Variants in HLX observed in about 807,000 individuals in gnomAD.
HLX encodes the protein H2.0 like homeobox.
In HLX, 6 loss-of-function variants were observed where a neutral mutation model predicts 27.7. The observed-to-expected ratio is 0.22, with a 90% confidence interval of 0.12 to 0.43. The LOEUF is 0.43. HLX is among the 20% of genes least tolerant of loss of function. The pLI is 1.00. For synonymous variants in HLX, 328 were observed against 293.8 expected, an observed-to-expected ratio of 1.12 and a Z score of -1.19; for missense variants, 666 against 655.2, an observed-to-expected ratio of 1.02 and a Z score of -0.18.
chr1:220,879,474 A>T lies in HLX; in HGVS notation c.-384A>T, dbSNP rs1331852784. On this transcript the variant is annotated 5_prime_UTR_variant, in exon 1 of 4. Coordinates refer to ENST00000366903, the MANE Select transcript of HLX (RefSeq NM_021958.4). ...TTTCCCCCCCCCTAACTAACGGACTATTATTGTTGTTGTTTTAAATTTAGC... is the reference window on the plus strand; with the variant it reads ...TTTCCCCCCCCCTAACTAACGGACTTTTATTGTTGTTGTTTTAAATTTAGC... 6 of 188,806 alleles carry T rather than the reference A, an allele frequency of 3.2e-5. No individual in the cohort carries two copies. The highest frequency in any genetic ancestry group is 5.1e-5 in the African/African-American group (2 of 39,096). The allele number at this position is 188,806 out of a possible 1,614,324, so 11.7% of individuals were successfully genotyped here.
Position 220,884,528 on chromosome 1 carries a change from G to A in HLX, c.1291G>A (p.Gly431Ser), listed in dbSNP as rs776580614. Residue 431 changes from glycine (G) to serine (S), a missense_variant, in exon 4 of 4, where the codon GGC becomes AGC. Coordinates refer to ENST00000366903, the MANE Select transcript of HLX (RefSeq NM_021958.4). The surrounding 1 kb of genome is among the most constrained non-coding windows in gnomAD (Gnocchi z 4.9). ...GAGTGGTGGGAGCAGCGGCGGCGGC[G>A]GCAATAGTTTCAGCTTCAGCAGCGC... ...AGSGGSSGGG[G>S]NSFSFSSASS... 3.7e-6 allele frequency: 6 copies of A among 1,610,886 alleles called. No homozygotes were observed. The highest frequency in any genetic ancestry group is 1.7e-5 in the Admixed American group (1 of 59,536).
At position 220,884,467 on chromosome 1, in the gene HLX, G is replaced by A. The variant is rs577385808; in HGVS notation, c.1230G>A (p.Pro410=). The part of the protein sequence containing the change: ...SLHQTTVIKA[P]VTGALITASS... Reference sequence around the variant, plus strand: ...ACCAAACAACAGTTATTAAGGCCCCGGTCACTGGCGCCCTCATTACCGCCA... The same window carrying A: ...ACCAAACAACAGTTATTAAGGCCCCAGTCACTGGCGCCCTCATTACCGCCA... The change falls in exon 4 of 4, where the codon CCG becomes CCA. Residue 410 remains proline (P), a synonymous_variant. Transcript: ENST00000366903. This position sits in a 1 kb window ranked among gnomAD's most constrained non-coding sequence, Gnocchi z 4.9. 99 of 1,614,106 alleles carry A rather than the reference G, an allele frequency of 6.1e-5. No homozygotes were observed. The East Asian group carries it at 1.9e-3, about 31-fold the overall frequency.
chr1:220,879,838 G>T lies in HLX; in HGVS notation c.-20G>T, dbSNP rs757525812. The T allele has an allele frequency of 1.3e-6, 2 of 1,554,008 alleles. No homozygotes were observed. The highest frequency in any genetic ancestry group is 1.4e-5 in the African/African-American group (1 of 72,934). On this transcript the variant is annotated 5_prime_UTR_variant, in exon 1 of 4. Coordinates refer to ENST00000366903, the MANE Select transcript of HLX (RefSeq NM_021958.4). ...CCAGTCCGGCTGGACTGCGGCAGCC[G>T]CGCGGCTCACCCCGGCAGGATGTTC...
intron 2 of HLX, 186 bp from the exon 3 acceptor site, chr1:220,881,978 C>A (rs1169469114): frequency 4.3e-6 from 3 of 692,418 alleles, no homozygotes; most frequent in Non-Finnish European, 8.0e-6. Context: ...TTCCGACTGT[C>A]GTGTAAAATT....
intron 2 of HLX, 122 bp downstream of exon 2, chr1:220,881,495 G>A: frequency 1.2e-6 from 1 of 853,018 alleles, no homozygotes; most frequent in East Asian, 2.5e-5. Context: ...GGAGGCTACG[G>A]AGTCAGGAGA....
chr1:220,882,182 C>G lies in HLX; in HGVS notation c.791C>G (p.Thr264Arg). The stretch of plus-strand genomic sequence containing the variant: ...GCGGCAGGTCCCTATGCTGTGCTCA[C>G]GAAGGACACCATGCCGCAGACGTAC... ...DTFPGPYAVL[T>R]KDTMPQTYKR... is the part of the protein sequence containing the mutation. Residue 264 changes from threonine (T) to arginine (R), a missense_variant, in exon 3 of 4, where the codon ACG becomes AGG. Physicochemically the swap from Thr to Arg is moderately conservative, Grantham distance 71 (BLOSUM62 -1). Transcript: ENST00000366903. 1.2e-6 allele frequency: 2 copies of G among 1,614,150 alleles called. No homozygotes were observed. Among genetic ancestry groups the G allele is most frequent in the Non-Finnish European group, 1.7e-6 (2 of 1,180,020 alleles).
chr1:220,884,856 C>A lies in HLX; in HGVS notation c.*152C>A. 1 of 1,270,464 alleles carries A rather than the reference C, an allele frequency of 7.9e-7. No homozygotes were observed. The highest frequency in any genetic ancestry group is 1.1e-6 in the Non-Finnish European group (1 of 937,800). The allele number at this position is 1,270,464 out of a possible 1,614,324, so 78.7% of individuals were successfully genotyped here. A position where few individuals can be genotyped will look rare whatever the true frequency, so the allele number is the denominator to read the frequency against. On this transcript the variant is annotated 3_prime_UTR_variant, in exon 4 of 4. Coordinates refer to ENST00000366903, the MANE Select transcript of HLX (RefSeq NM_021958.4). This position sits in a 1 kb window ranked among gnomAD's most constrained non-coding sequence, Gnocchi z 4.9. ...ATTCACGCTTCGCCCCACGCTGCTC[C>A]GACTGGCTGCAGCGGACACTGCCCA...
rs767935851 is a variant in HLX, at chr1:220,882,237, G to A, written c.846G>A (p.Val282=). The stretch of plus-strand genomic sequence containing the variant: ...GGAAGCGTTCATGGTCGCGCGCTGT[G>A]TTCTCCAACCTGCAGAGGAAAGGCC... ...YKRKRSWSRA[V]FSNLQRKGLE... The change falls in exon 3 of 4, where the codon GTG becomes GTA. Residue 282 remains valine, a synonymous_variant. Transcript: ENST00000366903. 6.2e-7 allele frequency: 1 copy of A among 1,614,130 alleles called. No individual in the cohort carries two copies. Among genetic ancestry groups the A allele is most frequent in the Non-Finnish European group, 8.5e-7 (1 of 1,180,048 alleles).
intron 1 of HLX, 87 bp from the exon 2 acceptor site, chr1:220,881,107 C>A: frequency 1.7e-6 from 2 of 1,211,482 alleles, no homozygotes; most frequent in Non-Finnish European, 1.2e-6. Context: ...AAAGTGAATC[C>A]AGGGCAAGGG....
At position 220,884,257 on chromosome 1, in the gene HLX, A is replaced by AAAGGAC. The variant is rs749658881; in HGVS notation, c.1032_1037dup (p.Asp344_Lys345dup). On this transcript the variant is annotated inframe_insertion, in exon 4 of 4. Transcript: ENST00000366903. This position sits in a 1 kb window ranked among gnomAD's most constrained non-coding sequence, Gnocchi z 4.9. ...GGCACTCCAAGGAGGCCCAGGCCCA[A>AAAGGAC]AAGGACAAGGACAAGGAGGCTGGCG... 1.2e-6 allele frequency: 2 copies of AAAGGAC among 1,613,996 alleles called. No homozygotes were observed. The highest frequency in any genetic ancestry group is 3.3e-5 in the Admixed American group (2 of 60,016).
At position 220,880,161 on chromosome 1, in the gene HLX, T is replaced by A. The variant is rs555735503; in HGVS notation, c.304T>A (p.Ser102Thr). ...TCGACCCACCCCAGTGGTGGCGCCC[T>A]CCGAAGTCCCGGCTGGCTTCCCGCA... is the stretch of plus-strand genomic sequence containing the variant. ...PLRPTPVVAPSEVPAGFPQRL... is the reference protein window; with the variant it reads ...PLRPTPVVAPTEVPAGFPQRL... Residue 102 changes from serine (S) to threonine (T), a missense_variant, in exon 1 of 4, where the codon TCC becomes ACC. Physicochemically the swap from Ser to Thr is moderately conservative, Grantham distance 58. Transcript: ENST00000366903. 5.7e-5 allele frequency: 92 copies of A among 1,612,642 alleles called. 1 individual carries two copies. The East Asian group carries it at 2.0e-3, about 36-fold the overall frequency.
In HLX at chr1:220,884,394, T is replaced by C. The variant is rs762014745; in HGVS notation, c.1157T>C (p.Met386Thr). 6 of 1,613,950 alleles carry C rather than the reference T, an allele frequency of 3.7e-6. No individual in the cohort carries two copies. In the Admixed American group the frequency reaches 8.3e-5, roughly 22 times the overall value. ...AGCAGCGACTCCGAGTCCCTGGACA[T>C]GGCCCCCAGCGACACGGAGCGGACT... ...SESSDSESLDMAPSDTERTEG... is the reference protein window; with the variant it reads ...SESSDSESLDTAPSDTERTEG... Residue 386 changes from methionine to threonine, a missense_variant, in exon 4 of 4, where the codon ATG (methionine) becomes ACG (threonine). By Grantham distance (81) the Met-to-Thr change is moderately conservative. Transcript: ENST00000366903. This position sits in a 1 kb window ranked among gnomAD's most constrained non-coding sequence, Gnocchi z 4.9.
chr1:220,881,435 G>A (rs1674435311), intron 2 of HLX, 62 bp downstream of exon 2: 1 of 1,365,380 alleles, frequency 7.3e-7, no homozygotes, highest in Non-Finnish European at 1.0e-6. Flanking sequence ...GAAATCTCAG[G>A]ACTGACGCCT....
At position 220,879,667 on chromosome 1, in the gene HLX, G is replaced by A. The variant is rs1674379148; in HGVS notation, c.-191G>A. Reference sequence around the variant, plus strand: ...CCAGGGAGCGAGGCGGTGACCGGCCGAGATCCGGCCCTCGCCTCCTCCCTC... The same window carrying A: ...CCAGGGAGCGAGGCGGTGACCGGCCAAGATCCGGCCCTCGCCTCCTCCCTC... On this transcript the variant is annotated 5_prime_UTR_variant, in exon 1 of 4. Transcript: ENST00000366903. The A allele has an allele frequency of 2.2e-6, 2 of 906,254 alleles. No individual in the cohort carries two copies. The highest frequency in any genetic ancestry group is 3.2e-5 in the East Asian group (1 of 31,094). The allele number at this position is 906,254 out of a possible 1,614,324, so 56.1% of individuals were successfully genotyped here.
chr1:220,883,324 C>T lies in HLX; in HGVS notation c.958-871C>T, dbSNP rs192283484. ...ACACACACACACACACACACACACA[C>T]ACACACACGAGGAGCCCAGCCGTTT... On this transcript the variant is annotated intron_variant, in intron 3 of 3. Coordinates refer to ENST00000366903, the MANE Select transcript of HLX (RefSeq NM_021958.4). 8.8e-3 allele frequency: 990 copies of T among 112,858 alleles called. 18 individuals carry two copies. Among genetic ancestry groups the T allele is most frequent in the African/African-American group, 0.032 (934 of 29,082 alleles). The allele number at this position is 112,858 out of a possible 1,614,324, so 7.0% of individuals were successfully genotyped here.
Position 220,879,857 on chromosome 1 carries a change from G to T in HLX, c.-1G>T, listed in dbSNP as rs769980245. ...GCAGCCGCGCGGCTCACCCCGGCAG[G>T]ATGTTCGCAGCCGGGCTGGCTCCCT... On this transcript the variant is annotated 5_prime_UTR_variant, in exon 1 of 4. Coordinates refer to ENST00000366903, the MANE Select transcript of HLX (RefSeq NM_021958.4). The T allele has an allele frequency of 6.3e-7, 1 of 1,575,012 alleles. No individual in the cohort carries two copies. Among genetic ancestry groups the T allele is most frequent in the Non-Finnish European group, 8.6e-7 (1 of 1,168,090 alleles).
rs1309512270 is a variant in HLX at position 220,880,088 on chromosome 1, C to T, written c.231C>T (p.Gly77=). 1 of 1,594,838 alleles carries T rather than the reference C, an allele frequency of 6.3e-7. No individual in the cohort carries two copies. Among genetic ancestry groups the T allele is most frequent in the Middle Eastern group, 1.7e-4 (1 of 5,766 alleles). ...ASAAALTAHL[G]SVHPHASFQA... ...CCGCCGCCCTCACCGCGCACTTGGGCTCGGTTCACCCGCACGCCTCTTTCC... is the reference window on the plus strand; with the variant it reads ...CCGCCGCCCTCACCGCGCACTTGGGTTCGGTTCACCCGCACGCCTCTTTCC... The change falls in exon 1 of 4, where the codon GGC becomes GGT. Residue 77 remains glycine, a synonymous_variant. Coordinates refer to ENST00000366903, the MANE Select transcript of HLX (RefSeq NM_021958.4).
At chr1:220,881,979 G>C (rs1571712744) in intron 2 of HLX, 185 bp from the exon 3 acceptor site, 3 of 691,940 alleles carry the variant, frequency 4.3e-6, no homozygotes, top group African/African-American at 3.5e-5. Flanking sequence ...TCCGACTGTC[G>C]TGTAAAATTC....
At chr1:220,882,559 C>T (rs1425431631) in intron 3 of HLX, 4 of 582,154 alleles carry the variant, frequency 6.9e-6, no homozygotes, top group East Asian at 5.7e-5. Flanking sequence ...GAGAAGAGCT[C>T]ATCCCCAAGA....
Sources: allele counts gnomAD v4.1 joint callset, GRCh38; gene constraint gnomAD v4.1.1; non-coding constraint Gnocchi (gnomAD v3.1); transcripts MANE v1.5; gene names NCBI Gene and HGNC (gene_info 2026-07-23, HGNC 2026-07-21).